The following INSL6 variants were observed in gnomAD, a reference collection of about 807,000 sequenced individuals.
INSL6 encodes the protein insulin like 6, also known as insulin-like peptide INSL6.
In INSL6, 16 loss-of-function variants were observed where a neutral mutation model predicts 9.4. The ratio of observed to expected loss-of-function variants is 1.70; its 90% confidence interval spans 1.15 to 2.59. The LOEUF (loss-of-function observed/expected upper bound fraction) is 2.59. INSL6 is among the 30% of genes most tolerant of loss of function. The pLI is 0.00. For missense variants in INSL6, 391 were observed against 257.3 expected (o/e 1.52, Z -3.56); for synonymous variants, 154 against 96.9 (o/e 1.59, Z -3.46).
downstream of INSL6, among the ~76,000 whole-genome samples, chr9:5,160,360 G>A (rs576981476): frequency 6.7e-4 from 102 of 152,108 alleles, no homozygotes; most frequent in African/African-American, 2.3e-3. Context: ...AGTGGTCAAC[G>A]AAGAGATTAA....
the INSL6 span, among the ~76,000 whole-genome samples, chr9:5,028,422 G>A: frequency 6.6e-6 from 1 of 152,174 alleles, no homozygotes; most frequent in African/African-American, 2.4e-5. Context: ...CAGGGTAATT[G>A]AGCATAGTTC....
chr9:5,054,894 A>T, the INSL6 span: 1 of 1,540,530 alleles, frequency 6.5e-7, no homozygotes, highest in Non-Finnish European at 8.8e-7. The surrounding 1 kb of genome is among the most constrained non-coding windows in gnomAD (Gnocchi z 4.9). Context: ...GGTAATCCTT[A>T]ATGATATGTT....
chr9:5,064,270 C>G, the INSL6 span, among the ~76,000 whole-genome samples: 1 of 151,862 alleles, frequency 6.6e-6, no homozygotes, highest in Non-Finnish European at 1.5e-5. Context: ...TGGCTCACGC[C>G]TGTAACCCCA....
At chr9:5,151,093 G>C (rs1489628543) in intron 2 of INSL6, among the ~76,000 whole-genome samples, 1 of 152,126 alleles carries the variant, frequency 6.6e-6, no homozygotes, top group African/African-American at 2.4e-5. Context: ...GAAAGAGGAG[G>C]GGGTGGAGGT....
the INSL6 span, chr9:5,022,230 A>C: frequency 1.9e-6 from 3 of 1,566,962 alleles, no homozygotes; most frequent in South Asian, 3.3e-5. Context: ...ATTAAAAAAC[A>C]GCATTTTCCT....
At chr9:5,166,345 T>A (rs954456984) in intron 1 of INSL6, among the ~76,000 whole-genome samples, 1 of 152,188 alleles carries the variant, frequency 6.6e-6, no homozygotes, top group Admixed American at 6.5e-5. Context: ...TTTAGGTGAA[T>A]CTATATTCTT....
the INSL6 span, among the ~76,000 whole-genome samples, chr9:5,038,831 G>A: frequency 6.6e-6 from 1 of 151,948 alleles, no homozygotes. Context: ...TTTATCCCAG[G>A]AAATACAAGG....
At chr9:5,093,245 A>G in the INSL6 span, among the ~76,000 whole-genome samples, 2 of 152,192 alleles carry the variant, frequency 1.3e-5, no homozygotes, top group African/African-American at 4.8e-5. Flanking sequence ...AAATATTACA[A>G]AAAGTAAAAG....
the INSL6 span, among the ~76,000 whole-genome samples, chr9:5,072,040 T>C: frequency 6.6e-6 from 1 of 152,158 alleles, no homozygotes; most frequent in Non-Finnish European, 1.5e-5. Flanking sequence ...ATTTTTCAGA[T>C]GAAGAAACCA....
the INSL6 span, chr9:5,054,548 CT>C: frequency 9.1e-6 from 14 of 1,537,172 alleles, no homozygotes; most frequent in African/African-American, 1.8e-4. The surrounding 1 kb of genome is among the most constrained non-coding windows in gnomAD (Gnocchi z 4.9). Flanking sequence ...TCTGTATGTG[CT>C]TTTTTATCCC....
the INSL6 span, among the ~76,000 whole-genome samples, chr9:5,016,497 T>C: frequency 1.3e-5 from 2 of 152,118 alleles, no homozygotes; most frequent in Non-Finnish European, 2.9e-5. Context: ...AGAAAAATAG[T>C]CAACAAAATT....
chr9:5,120,029 A>G (rs376238735), downstream of INSL6, among the ~76,000 whole-genome samples: 1 of 152,214 alleles, frequency 6.6e-6, no homozygotes, highest in Non-Finnish European at 1.5e-5. Context: ...GAAAATGGAT[A>G]ATTTATAAAG....
the INSL6 span, among the ~76,000 whole-genome samples, chr9:5,012,761 T>C: frequency 3.3e-5 from 5 of 152,266 alleles, no homozygotes; most frequent in African/African-American, 4.8e-5. Flanking sequence ...TATAATTTAG[T>C]AGTGGAAAGA....
the INSL6 span, among the ~76,000 whole-genome samples, chr9:5,042,137 T>C: frequency 7.3e-6 from 1 of 136,376 alleles, no homozygotes; most frequent in East Asian, 2.0e-4. Flanking sequence ...TTTTTTTTTT[T>C]TTTTTTTTTT....
the INSL6 span, chr9:5,070,141 A>C: frequency 1.2e-6 from 1 of 859,646 alleles, no homozygotes; most frequent in Non-Finnish European, 1.7e-6. Flanking sequence ...CATTGGAATT[A>C]TTTTGTTATA....
chr9:5,143,871 G>A (rs574492994), intron 2 of INSL6, among the ~76,000 whole-genome samples: 2 of 151,764 alleles, frequency 1.3e-5, no homozygotes, highest in Admixed American at 1.3e-4. Context: ...TGTTGGCCAT[G>A]CTGGTCTCGA....
downstream of INSL6, chr9:5,122,887 T>G (rs543580091): frequency 3.2e-6 from 2 of 621,718 alleles, no homozygotes; most frequent in East Asian, 2.9e-5. Context: ...TCAGGCCTGC[T>G]GTGATAACTC....
chr9:5,163,132 A>G (rs1451568285), downstream of INSL6, among the ~76,000 whole-genome samples: 1 of 152,186 alleles, frequency 6.6e-6, no homozygotes, highest in Non-Finnish European at 1.5e-5. Flanking sequence ...CTTATTAAAC[A>G]CAGATTGCTG....
chr9:5,023,122 T>C, the INSL6 span, among the ~76,000 whole-genome samples: 67 of 152,350 alleles, frequency 4.4e-4, no homozygotes, highest in African/African-American at 1.5e-3. Context: ...TCTGTCTGTA[T>C]TTTTGTGCCC....
Sources: allele counts gnomAD v4.1 joint callset (sites outside exome capture counted in the v4.1 genomes callset), GRCh38; gene constraint gnomAD v4.1.1; non-coding constraint Gnocchi (gnomAD v3.1); transcripts MANE v1.5; gene names NCBI Gene and HGNC (gene_info 2026-07-23, HGNC 2026-07-21).